The following NLN variants were observed in gnomAD, a reference collection of about 807,000 sequenced individuals.
The protein encoded by NLN is neurolysin, also known as neurolysin, mitochondrial.
Under a neutral mutation model 79.9 loss-of-function variants are expected in NLN, and 64 were observed. That is an observed-to-expected ratio of 0.80 (90% CI 0.65 to 0.99). The LOEUF (loss-of-function observed/expected upper bound fraction) is 0.99. Ranked by LOEUF, NLN falls within the 50% of genes least tolerant of loss-of-function variation. The pLI is 0.00. For missense variants in NLN, 835 were observed against 858.7 expected, an observed-to-expected ratio of 0.97 and a Z score of 0.34; for synonymous variants, 267 against 296.6, an observed-to-expected ratio of 0.90 and a Z score of 1.02.
chr5:65,777,881 G>T (rs1759715129), intron 4 of NLN, among the ~76,000 whole-genome samples: 2 of 152,328 alleles, frequency 1.3e-5, no homozygotes, highest in South Asian at 2.1e-4. Context: ...AATGTATTTT[G>T]TATTTAGTGG....
In NLN at chr5:65,788,378, C is replaced by A. The variant is rs747120609; in HGVS notation, c.1219C>A (p.Gln407Lys). Residue 407 changes from glutamine (Q) to lysine (K), a missense_variant, in exon 8 of 13, where the codon CAA becomes AAA. Coordinates refer to ENST00000380985, the MANE Select transcript of NLN (RefSeq NM_020726.5). ...YQELLGLSFE[Q>K]MTDAHVWNKS... ...GGAGTTGTTGGGACTTTCATTTGAA[C>A]AAATGACAGATGCTCATGTTTGGAA... The A allele has an allele frequency of 6.2e-7, 1 of 1,614,114 alleles. No individual in the cohort carries two copies. Among genetic ancestry groups the A allele is most frequent in the Non-Finnish European group, 8.5e-7 (1 of 1,179,998 alleles).
At chr5:65,768,339 G>A (rs557076206) in intron 3 of NLN, among the ~76,000 whole-genome samples, 3 of 152,110 alleles carry the variant, frequency 2.0e-5, no homozygotes, top group Non-Finnish European at 4.4e-5. Context: ...TTACATGGTG[G>A]CAGGAGAGAG....
At chr5:65,818,493 G>A (rs1056839890) in intron 12 of NLN, among the ~76,000 whole-genome samples, 4 of 152,062 alleles carry the variant, frequency 2.6e-5, no homozygotes, top group African/African-American at 9.7e-5. Flanking sequence ...AAGGTTTCCA[G>A]AAGACCTCTT....
At chr5:65,728,228 C>T (rs905682239) in intron 1 of NLN, among the ~76,000 whole-genome samples, 2 of 152,072 alleles carry the variant, frequency 1.3e-5, no homozygotes, top group Non-Finnish European at 2.9e-5. Flanking sequence ...CCTCTATGAA[C>T]AGACTTTCTT....
chr5:65,795,265 A>T (rs1760151878), intron 9 of NLN, among the ~76,000 whole-genome samples: 7 of 152,114 alleles, frequency 4.6e-5, no homozygotes, highest in Admixed American at 3.9e-4. Flanking sequence ...GCTCACACCC[A>T]TAACCCCAGC....
chr5:65,788,143 C>T lies in NLN; in HGVS notation c.984C>T (p.Pro328=), dbSNP rs552662653. ...FLDDLSQKLK[P]LGEAEREFIL... ...ATGATTTAAGCCAGAAGTTAAAACCCTTGGGTGAAGCAGAACGAGAGTTTA... is the reference window on the plus strand; with the variant it reads ...ATGATTTAAGCCAGAAGTTAAAACCTTTGGGTGAAGCAGAACGAGAGTTTA... Residue 328 remains proline (P), a synonymous_variant, in exon 8 of 13, where the codon CCC becomes CCT. Coordinates refer to ENST00000380985, the MANE Select transcript of NLN (RefSeq NM_020726.5). 4 of 1,613,816 alleles carry T rather than the reference C, an allele frequency of 2.5e-6. No individual in the cohort carries two copies. The East Asian group carries it at 6.7e-5, about 27-fold the overall frequency.
chr5:65,784,032 C>T (rs573307354), intron 6 of NLN, among the ~76,000 whole-genome samples: 68 of 151,964 alleles, frequency 4.5e-4, no homozygotes, highest in African/African-American at 1.6e-3. Flanking sequence ...TTTTATTTTC[C>T]ACATCTTGCA....
chr5:65,760,453 G>T (rs916586800), intron 2 of NLN, among the ~76,000 whole-genome samples: 5 of 152,198 alleles, frequency 3.3e-5, no homozygotes, highest in Admixed American at 1.3e-4. Flanking sequence ...CCTGGATGTG[G>T]TTTGTCCTTG....
rs1290475798 is a variant in NLN at position 65,788,100 on chromosome 5, T to A, written c.959-18T>A. The A allele has an allele frequency of 6.2e-7, 1 of 1,601,480 alleles. No homozygotes were observed. The highest frequency in any genetic ancestry group is 1.3e-5 in the African/African-American group (1 of 74,356). ...TTCCAAAAGCAAGTAGATCACTAAC[T>A]TTTCCTTTTCCTTACAGATGATTTA... On this transcript the variant is annotated intron_variant, in intron 7 of 12. Transcript: ENST00000380985.
chr5:65,738,025 A>G (rs1966566), intron 1 of NLN, among the ~76,000 whole-genome samples: 35,828 of 151,530 alleles, frequency 0.24, 4,369 homozygotes, highest in African/African-American at 0.27. Flanking sequence ...CTACTTGGGA[A>G]GCTGAGGTAG....
chr5:65,828,086 C>T lies in NLN; in HGVS notation c.*5171C>T, dbSNP rs1019437746. 2.0e-5 allele frequency: 3 copies of T among 152,168 alleles called. No homozygotes were observed. The highest frequency in any genetic ancestry group is 7.2e-5 in the African/African-American group (3 of 41,448). The allele number at this position is 152,168 out of a possible 1,614,324, so 9.4% of individuals were successfully genotyped here. On this transcript the variant is annotated 3_prime_UTR_variant, in exon 13 of 13. Transcript: ENST00000380985. Reference sequence around the variant, plus strand: ...GACAAGCTCAAAATGAAATTAGACACATTCCATTACCCAGGTAAAAGAAGG... The same window carrying T: ...GACAAGCTCAAAATGAAATTAGACATATTCCATTACCCAGGTAAAAGAAGG...
At chr5:65,761,049 G>C (rs1447048961) in intron 2 of NLN, among the ~76,000 whole-genome samples, 6 of 152,106 alleles carry the variant, frequency 3.9e-5, no homozygotes, top group African/African-American at 1.4e-4. Flanking sequence ...AGTAGCTGTT[G>C]AAACCTTGTT....
intron 3 of NLN, among the ~76,000 whole-genome samples, chr5:65,772,703 G>A (rs1353296281): frequency 6.7e-6 from 1 of 149,650 alleles, no homozygotes; most frequent in Non-Finnish European, 1.5e-5. Flanking sequence ...TGGGGTTTTT[G>A]TTTTGTTTTT....
At chr5:65,739,864 T>C (rs1484979265) in intron 1 of NLN, among the ~76,000 whole-genome samples, 2 of 152,258 alleles carry the variant, frequency 1.3e-5, no homozygotes, top group Admixed American at 6.5e-5. Context: ...TTCTTGCTAT[T>C]GAATTTATTG....
intron 1 of NLN, among the ~76,000 whole-genome samples, chr5:65,724,006 G>A (rs1253053581): frequency 6.6e-6 from 1 of 151,772 alleles, no homozygotes; most frequent in Non-Finnish European, 1.5e-5. Context: ...AAATAGGCTA[G>A]GTGCATAAAT....
chr5:65,755,500 A>G (rs1280811319), intron 1 of NLN, among the ~76,000 whole-genome samples: 1 of 152,182 alleles, frequency 6.6e-6, no homozygotes, highest in Non-Finnish European at 1.5e-5. Flanking sequence ...CATAAGGACA[A>G]GTTTTTTGTG....
chr5:65,770,049 C>T (rs1289315229), intron 3 of NLN, among the ~76,000 whole-genome samples: 3 of 152,190 alleles, frequency 2.0e-5, no homozygotes, highest in Non-Finnish European at 4.4e-5. Flanking sequence ...TGACAACCAA[C>T]TGAAAAGCAA....
At position 65,768,977 on chromosome 5, in the gene NLN, G is replaced by A. The variant is rs560196806; in HGVS notation, c.450+5869G>A. Reference sequence around the variant, plus strand: ...CACAGTTCAGTCCATAGCGCAGAGCGTCTCCATGTGGTTCATTTGTGTGGG... The same window carrying A: ...CACAGTTCAGTCCATAGCGCAGAGCATCTCCATGTGGTTCATTTGTGTGGG... On this transcript the variant is annotated intron_variant, in intron 3 of 12. Transcript: ENST00000380985. Among the ~76,000 whole-genome samples, 27 of 152,348 alleles carry A rather than the reference G, an allele frequency of 1.8e-4. No homozygotes were observed. In the South Asian group the frequency reaches 1.9e-3, roughly 11 times the overall value.
At position 65,812,292 on chromosome 5, in the gene NLN, G is replaced by A. The variant is rs112883273; in HGVS notation, c.1881G>A (p.Gly627=). The part of the protein sequence containing the change: ...NMPATFGHLA[G]GYDGQYYGYL... ...CAGCTACCTTTGGACATTTGGCAGG[G>A]GGATACGATGGCCAATATTATGGAT... is the stretch of plus-strand genomic sequence containing the variant. Residue 627 remains glycine (G), a synonymous_variant, in exon 12 of 13, where the codon GGG becomes GGA. Transcript: ENST00000380985. 1,166 of 1,611,590 alleles carry A rather than the reference G, an allele frequency of 7.2e-4. 7 individuals are homozygous for A. The African/African-American group carries it at 0.01, about 14-fold the overall frequency.
Sources: allele counts gnomAD v4.1 joint callset (sites outside exome capture counted in the v4.1 genomes callset), GRCh38; gene constraint gnomAD v4.1.1; transcripts MANE v1.5; gene names NCBI Gene and HGNC (gene_info 2026-07-23, HGNC 2026-07-21).